The following AOAH variants were observed in gnomAD, a reference collection of about 807,000 sequenced individuals.
AOAH encodes the protein acyloxyacyl hydrolase.
In AOAH, 64 loss-of-function variants were observed where a neutral mutation model predicts 92.2. That is an observed-to-expected ratio of 0.69 (90% CI 0.57 to 0.86). The LOEUF (loss-of-function observed/expected upper bound fraction) is 0.86, where lower values mean the gene tolerates loss of function less well. Ranked by LOEUF, AOAH falls within the 40% of genes least tolerant of loss-of-function variation. The probability of loss-of-function intolerance (pLI) is 0.00; values close to 1 mark genes in which losing one functional copy is unlikely to be tolerated. For missense variants in AOAH, 656 were observed against 694.6 expected (o/e 0.94, Z 0.62); for synonymous variants, 263 against 254.5 (o/e 1.03, Z -0.32).
rs1554292670 is a variant in AOAH at position 36,587,289 on chromosome 7, A to AAAG, written c.938+7049_938+7050insCTT. Among the ~76,000 whole-genome samples the AAAG allele has an allele frequency of 4.2e-3, 630 of 149,168 alleles. 3 individuals are homozygous for AAAG. The highest frequency in any genetic ancestry group is 0.015 in the African/African-American group (602 of 40,132). On this transcript the variant is annotated intron_variant, in intron 12 of 20. Transcript: ENST00000617537. ...TCCGTCTCAAAAAAAAAAAAAAAAA[A>AAAG]AAAGAAAGAAAGAAAAGAAAATCTG... is the stretch of plus-strand genomic sequence containing the variant.
chr7:36,572,073 C>A (rs935049804), intron 13 of AOAH, among the ~76,000 whole-genome samples: 1 of 151,918 alleles, frequency 6.6e-6, no homozygotes, highest in East Asian at 1.9e-4. Context: ...TCCCAATTAC[C>A]CTGATTTGAT....
chr7:36,599,352 T>C (rs2115627038), intron 11 of AOAH, among the ~76,000 whole-genome samples: 1 of 152,326 alleles, frequency 6.6e-6, no homozygotes, highest in East Asian at 1.9e-4. Flanking sequence ...CCCTCATTCA[T>C]CTGATTCTGC....
chr7:36,657,153 A>G lies in AOAH; in HGVS notation c.390+2013T>C, dbSNP rs1205724308. ...GTTAAAAGGAAACACACATTTCGAC[A>G]TCAGTTGTTTCTGGTGGTAGGATTT... On this transcript the variant is annotated intron_variant, in intron 4 of 20. Coordinates refer to ENST00000617537, the MANE Select transcript of AOAH (RefSeq NM_001637.4). Among the ~76,000 whole-genome samples, 4 of 152,338 alleles carry G rather than the reference A, an allele frequency of 2.6e-5. No homozygotes were observed. In the South Asian group the frequency reaches 6.2e-4, roughly 24 times the overall value.
At chr7:36,535,203 G>A (rs909249575) in intron 16 of AOAH, among the ~76,000 whole-genome samples, 13 of 151,940 alleles carry the variant, frequency 8.6e-5, no homozygotes, top group South Asian at 6.2e-4. Flanking sequence ...TGTGTTGTGG[G>A]GAGCCAGCGG....
At chr7:36,599,507 T>C (rs1167102773) in intron 11 of AOAH, among the ~76,000 whole-genome samples, 1 of 152,250 alleles carries the variant, frequency 6.6e-6, no homozygotes, top group Non-Finnish European at 1.5e-5. Flanking sequence ...CCTGAATGGA[T>C]TATTTTCAAA....
chr7:36,607,940 G>A (rs962882285), intron 11 of AOAH, among the ~76,000 whole-genome samples: 2 of 152,230 alleles, frequency 1.3e-5, no homozygotes, highest in African/African-American at 2.4e-5. Context: ...CCATGGTGGA[G>A]TGTGTGCATT....
At position 36,724,045 on chromosome 7, in the gene AOAH, AGGCTGGGCCTG is replaced by A; in HGVS notation, c.93_103del (p.Arg32LeufsTer40). ...ACCTACACAGGTGTGCCCATTCGAG[AGGCTGGGCCTG>A]GACTGGTCATCGTTGGCTGGAGAGG... On this transcript the variant is annotated frameshift_variant, in exon 1 of 21. Transcript: ENST00000617537. LOFTEE classifies it high-confidence loss of function. The A allele has an allele frequency of 6.2e-7, 1 of 1,613,694 alleles. No individual in the cohort carries two copies.
chr7:36,579,678 G>A (rs975535966), intron 12 of AOAH, among the ~76,000 whole-genome samples: 19 of 152,146 alleles, frequency 1.2e-4, no homozygotes, highest in African/African-American at 4.6e-4. Flanking sequence ...ATGGGAGAAA[G>A]ATGTAGCCTG....
intron 13 of AOAH, 89 bp downstream of exon 13, chr7:36,576,485 T>G: frequency 1.3e-6 from 1 of 759,222 alleles, no homozygotes; most frequent in Admixed American, 2.8e-5. Flanking sequence ...GTGATCCTTG[T>G]TATCTGAATC....
intron 19 of AOAH, among the ~76,000 whole-genome samples, chr7:36,529,432 C>T (rs1784570776): frequency 6.6e-6 from 1 of 152,114 alleles, no homozygotes; most frequent in South Asian, 2.1e-4. Flanking sequence ...TGTGTATCAC[C>T]TAGGCAGGAA....
intron 15 of AOAH, among the ~76,000 whole-genome samples, chr7:36,547,751 C>A (rs936565618): frequency 3.9e-5 from 6 of 152,030 alleles, no homozygotes; most frequent in African/African-American, 1.5e-4. Flanking sequence ...TTTTGAGAAA[C>A]CTCCCCAAAT....
intron 1 of AOAH, among the ~76,000 whole-genome samples, chr7:36,717,005 TAAATAAA>T (rs1429721178): frequency 6.8e-6 from 1 of 148,146 alleles, no homozygotes; most frequent in Admixed American, 6.7e-5. Flanking sequence ...AATAAATAAA[TAAATAAA>T]TAAATAAAAA....
At chr7:36,661,347 C>G (rs1331295646) in intron 3 of AOAH, 1 of 152,202 alleles carries the variant, frequency 6.6e-6, no homozygotes, top group African/African-American at 2.4e-5. Context: ...AATTTCCTGC[C>G]AGGTGGACTG....
chr7:36,618,236 T>A (rs1313812634), intron 10 of AOAH, 61 bp downstream of exon 10: 2 of 1,518,892 alleles, frequency 1.3e-6, no homozygotes, highest in Admixed American at 3.4e-5. Flanking sequence ...TCACTTCAAT[T>A]TGACTCAAAC....
intron 1 of AOAH, among the ~76,000 whole-genome samples, chr7:36,702,786 G>A (rs968801725): frequency 6.6e-6 from 1 of 152,166 alleles, no homozygotes; most frequent in African/African-American, 2.4e-5. Flanking sequence ...GCTGAAGGTA[G>A]GGGTGGCTGT....
intron 3 of AOAH, among the ~76,000 whole-genome samples, chr7:36,673,076 G>A (rs1398465128): frequency 3.9e-5 from 6 of 152,104 alleles, no homozygotes; most frequent in Admixed American, 3.9e-4. Flanking sequence ...GAAAGTTATG[G>A]TCAAGGTCCT....
intron 13 of AOAH, among the ~76,000 whole-genome samples, chr7:36,552,927 A>G (rs187079068): frequency 6.4e-4 from 97 of 151,908 alleles, no homozygotes; most frequent in African/African-American, 2.2e-3. Context: ...GGCTGCATAG[A>G]ATTCCATGGT....
At chr7:36,646,201 A>G (rs1340459133) in intron 4 of AOAH, among the ~76,000 whole-genome samples, 1 of 152,208 alleles carries the variant, frequency 6.6e-6, no homozygotes, top group African/African-American at 2.4e-5. Flanking sequence ...CTAACTTTGC[A>G]AAATAGGAAA....
intron 13 of AOAH, among the ~76,000 whole-genome samples, chr7:36,566,123 C>G (rs913165447): frequency 1.4e-5 from 2 of 142,428 alleles, no homozygotes; most frequent in African/African-American, 5.3e-5. Context: ...TAAAATGTTC[C>G]TCAATTTTTG....
Sources: gnomAD v4.1 joint callset for allele counts (sites outside exome capture counted in the v4.1 genomes callset) on GRCh38, gnomAD v4.1.1 for gene constraint, MANE v1.5 for transcripts, NCBI Gene and HGNC (gene_info 2026-07-23, HGNC 2026-07-21) for gene names.